Variants in AGAP1 observed in about 807,000 individuals in gnomAD.
AGAP1 encodes arf-GAP with GTPase, ANK repeat and PH domain-containing protein 1.
AGAP1 carries 29 observed loss-of-function variants against 105.3 expected under a neutral mutation model. That is an observed-to-expected ratio of 0.28 (90% confidence interval 0.21 to 0.38). AGAP1 has a LOEUF of 0.38. AGAP1 is among the 10% of genes least tolerant of loss of function. The pLI is 1.00. For synonymous variants in AGAP1, 509 were observed against 485.9 expected (o/e 1.05, Z -0.63); for missense variants, 998 against 1,165.1 (o/e 0.86, Z 2.09).
At chr2:235,817,803 A>C (rs1279502226) in intron 9 of AGAP1, among the ~76,000 whole-genome samples, 1 of 152,166 alleles carries the variant, frequency 6.6e-6, no homozygotes, top group East Asian at 1.9e-4. Flanking sequence ...AGGCAGGAGA[A>C]TCGCTTGAAC....
At chr2:235,816,157 G>T (rs115712173) in intron 9 of AGAP1, among the ~76,000 whole-genome samples, 1,640 of 152,334 alleles carry the variant, frequency 0.011, 29 homozygotes, top group African/African-American at 0.034. Flanking sequence ...GAAAGATACA[G>T]CTGGGCATAG....
rs927914153 is a variant in AGAP1, at chr2:235,639,719, A to G, written c.164-69460A>G. ...ATAGTGGCAGCGCTTGCCTCGCTGCATCTCGTGTTCTCAAAATCAGCACAT... is the reference window on the plus strand; with the variant it reads ...ATAGTGGCAGCGCTTGCCTCGCTGCGTCTCGTGTTCTCAAAATCAGCACAT... On this transcript the variant is annotated intron_variant, in intron 1 of 17. Transcript: ENST00000304032. This position sits in a 1 kb window ranked among gnomAD's most constrained non-coding sequence, Gnocchi z 5.3. Among the ~76,000 whole-genome samples, 1 of 152,192 alleles carries G rather than the reference A, an allele frequency of 6.6e-6. No homozygotes were observed. The highest frequency in any genetic ancestry group is 6.5e-5 in the Admixed American group (1 of 15,282).
At chr2:235,870,153 C>T (rs768541292) in intron 9 of AGAP1, among the ~76,000 whole-genome samples, 2 of 152,188 alleles carry the variant, frequency 1.3e-5, no homozygotes, top group Non-Finnish European at 2.9e-5. Context: ...CCCCAGCTAC[C>T]CAAAGTCTCA....
intron 1 of AGAP1, among the ~76,000 whole-genome samples, chr2:235,545,292 T>A (rs959027371): frequency 1.3e-5 from 2 of 152,228 alleles, no homozygotes; most frequent in Non-Finnish European, 2.9e-5. Context: ...GAAACACAGC[T>A]TAATTCAGCT....
intron 9 of AGAP1, among the ~76,000 whole-genome samples, chr2:235,852,310 A>G (rs938888001): frequency 4.0e-5 from 6 of 151,806 alleles, no homozygotes; most frequent in Admixed American, 6.6e-5. Flanking sequence ...CATAATGCCT[A>G]TTGTCTGCGT....
At position 235,716,505 on chromosome 2, in the gene AGAP1, G is replaced by A. The variant is rs1221157431; in HGVS notation, c.223-1052G>A. Among the ~76,000 whole-genome samples, 3 of 152,148 alleles carry A rather than the reference G, an allele frequency of 2.0e-5. No homozygotes were observed. Among genetic ancestry groups the A allele is most frequent in the African/African-American group, 7.2e-5 (3 of 41,420 alleles). On this transcript the variant is annotated intron_variant, in intron 2 of 17. Coordinates refer to ENST00000304032, the MANE Select transcript of AGAP1 (RefSeq NM_001037131.3). The surrounding 1 kb of genome is among the most constrained non-coding windows in gnomAD (Gnocchi z 4.0). Reference sequence around the variant, plus strand: ...ACAAGTGGAACCGAGAGCAAGCGGGGTGAGTCCCAGCTCAGGGAATGGCAG... The same window carrying A: ...ACAAGTGGAACCGAGAGCAAGCGGGATGAGTCCCAGCTCAGGGAATGGCAG...
intron 1 of AGAP1, among the ~76,000 whole-genome samples, chr2:235,572,599 G>A (rs73120474): frequency 6.6e-6 from 1 of 152,084 alleles, no homozygotes; most frequent in Non-Finnish European, 1.5e-5. Context: ...GGGGCTTCCT[G>A]CCCACTTCTC....
At chr2:235,987,474 C>T (rs2317301) in intron 13 of AGAP1, among the ~76,000 whole-genome samples, 98,528 of 145,452 alleles carry the variant, frequency 0.68, 34,999 homozygotes, top group African/African-American at 0.92. Flanking sequence ...TGATTTTTTT[C>T]CCCCCCAAAA....
chr2:235,613,289 C>T (rs1004925929), intron 1 of AGAP1, among the ~76,000 whole-genome samples: 1 of 152,300 alleles, frequency 6.6e-6, no homozygotes, highest in Non-Finnish European at 1.5e-5. Context: ...TGCCACTGCA[C>T]CCGGCCACAT....
At chr2:235,922,107 G>A (rs953671020) in intron 11 of AGAP1, among the ~76,000 whole-genome samples, 4 of 152,314 alleles carry the variant, frequency 2.6e-5, no homozygotes, top group East Asian at 1.9e-4. Flanking sequence ...CACAACGGGC[G>A]TGGTGCAGCT....
At chr2:235,810,253 C>T (rs992813201) in intron 9 of AGAP1, among the ~76,000 whole-genome samples, 1 of 151,502 alleles carries the variant, frequency 6.6e-6, no homozygotes, top group South Asian at 2.1e-4. Context: ...GGCGTCATTC[C>T]ATTCCCATCC....
In AGAP1 at chr2:235,769,301, GC is replaced by G. The variant is rs1236533811; in HGVS notation, c.673+18815del. Among the ~76,000 whole-genome samples, 2 of 152,218 alleles carry G rather than the reference GC, an allele frequency of 1.3e-5. No individual in the cohort carries two copies. The highest frequency in any genetic ancestry group is 6.5e-5 in the Admixed American group (1 of 15,286). On this transcript the variant is annotated intron_variant, in intron 6 of 17. Transcript: ENST00000304032. This position sits in a 1 kb window ranked among gnomAD's most constrained non-coding sequence, Gnocchi z 4.4. ...TCATTGCTCACCAGAGCCAGGACAT[GC>G]CTGGGCTGCTGAGTGGGGCGTGCCC...
rs192483763 is a variant in AGAP1, at chr2:235,684,913, A to G, written c.164-24266A>G. Among the ~76,000 whole-genome samples, 45 of 151,674 alleles carry G rather than the reference A, an allele frequency of 3.0e-4. 1 individual carries two copies. Among genetic ancestry groups the G allele is most frequent in the East Asian group, 9.7e-4 (5 of 5,178 alleles). ...ACTGCTTACGGTCATGCCCTGTCCAATCTGGGATGACTGTGGCATACAAGT... is the reference window on the plus strand; with the variant it reads ...ACTGCTTACGGTCATGCCCTGTCCAGTCTGGGATGACTGTGGCATACAAGT... On this transcript the variant is annotated intron_variant, in intron 1 of 17. Transcript: ENST00000304032.
At position 235,962,767 on chromosome 2, in the gene AGAP1, G is replaced by A. The variant is rs1286214171; in HGVS notation, c.1484-5695G>A. 6.6e-6 allele frequency among the ~76,000 whole-genome samples: 1 copy of A among 152,168 alleles called. No individual in the cohort carries two copies. The highest frequency in any genetic ancestry group is 6.5e-5 in the Admixed American group (1 of 15,280). ...CTAGAAGCTCTGGTTGAAATTCCAT[G>A]GGGTTTCTCGCTATTGATATTTTAG... is the stretch of plus-strand genomic sequence containing the variant. On this transcript the variant is annotated intron_variant, in intron 12 of 17. Coordinates refer to ENST00000304032, the MANE Select transcript of AGAP1 (RefSeq NM_001037131.3). The surrounding 1 kb of genome is among the most constrained non-coding windows in gnomAD (Gnocchi z 5.3).
At chr2:235,932,956 T>C (rs1159671631) in intron 12 of AGAP1, among the ~76,000 whole-genome samples, 1 of 152,220 alleles carries the variant, frequency 6.6e-6, no homozygotes, top group African/African-American at 2.4e-5. Context: ...CAAAGCAATT[T>C]CTATAATATT....
chr2:236,116,497 C>T (rs1470023594), intron 16 of AGAP1, among the ~76,000 whole-genome samples: 1 of 151,834 alleles, frequency 6.6e-6, no homozygotes, highest in Non-Finnish European at 1.5e-5. Context: ...TTACAGGCAC[C>T]TGCCACCACA....
intron 13 of AGAP1, among the ~76,000 whole-genome samples, chr2:235,978,196 A>C (rs533644063): frequency 1.3e-5 from 2 of 152,192 alleles, no homozygotes; most frequent in African/African-American, 4.8e-5. Flanking sequence ...GAGCTACAAC[A>C]TGTGAATTTT....
chr2:235,779,471 G>A (rs566941983), intron 6 of AGAP1, among the ~76,000 whole-genome samples: 3 of 152,300 alleles, frequency 2.0e-5, no homozygotes, highest in South Asian at 2.1e-4. Flanking sequence ...CAGGCTCTTC[G>A]AATGCCATAT....
chr2:235,741,179 T>C lies in AGAP1; in HGVS notation c.396+131T>C. 1 of 658,140 alleles carries C rather than the reference T, an allele frequency of 1.5e-6. No homozygotes were observed. The highest frequency in any genetic ancestry group is 2.4e-6 in the Non-Finnish European group (1 of 417,344). 40.8% of individuals were successfully genotyped at this position (658,140 alleles called of 1,614,324 possible). A position where few individuals can be genotyped will look rare whatever the true frequency, so the allele number is the denominator to read the frequency against. On this transcript the variant is annotated intron_variant, in intron 4 of 17. Coordinates refer to ENST00000304032, the MANE Select transcript of AGAP1 (RefSeq NM_001037131.3). This position sits in a 1 kb window ranked among gnomAD's most constrained non-coding sequence, Gnocchi z 4.9. ...GAAACCCCATAAAAAATGTTTCCTC[T>C]CACTGCATTTTTTTCTCATCTCTAA...
Sources: gnomAD v4.1 joint callset for allele counts (sites outside exome capture counted in the v4.1 genomes callset) on GRCh38, gnomAD v4.1.1 for gene constraint, Gnocchi (gnomAD v3.1) non-coding constraint, MANE v1.5 for transcripts, NCBI Gene and HGNC (gene_info 2026-07-23, HGNC 2026-07-21) for gene names.